The following NOL4 variants were observed in gnomAD, a reference collection of about 807,000 sequenced individuals.
NOL4 encodes nucleolar protein 4.
NOL4 carries 17 observed loss-of-function variants against 75.9 expected under a neutral mutation model. The observed-to-expected ratio is 0.22, with a 90% CI of 0.15 to 0.34. NOL4 has a LOEUF of 0.34. Ranked by LOEUF, NOL4 falls within the 10% of genes least tolerant of loss-of-function variation. NOL4 has a pLI of 1.00. For synonymous variants in NOL4, 292 were observed against 289.9 expected (o/e 1.01, Z -0.07); for missense variants, 614 against 793.5 (o/e 0.77, Z 2.72).
chr18:34,026,851 T>A (rs2075368142), intron 5 of NOL4, among the ~76,000 whole-genome samples: 1 of 152,212 alleles, frequency 6.6e-6, no homozygotes, highest in Non-Finnish European at 1.5e-5. Context: ...TCAATAAAAG[T>A]TTTGTTGACA....
At chr18:33,964,553 T>C (rs974064095) in intron 6 of NOL4, among the ~76,000 whole-genome samples, 1 of 149,090 alleles carries the variant, frequency 6.7e-6, no homozygotes, top group African/African-American at 2.5e-5. Flanking sequence ...AGAGAAAGAG[T>C]GAGAAGTTGA....
chr18:34,181,569 T>G (rs973050162), intron 1 of NOL4, among the ~76,000 whole-genome samples: 8 of 151,390 alleles, frequency 5.3e-5, no homozygotes, highest in South Asian at 2.1e-4. Context: ...AATAGAGAAG[T>G]TAGACTTCAT....
chr18:34,048,367 T>C (rs964485435), intron 5 of NOL4: 14 of 779,712 alleles, frequency 1.8e-5, no homozygotes, highest in Non-Finnish European at 2.2e-5. Context: ...TACTGCTTCA[T>C]GGGACAGTCT....
chr18:34,078,566 G>A (rs2072724963), intron 5 of NOL4, among the ~76,000 whole-genome samples: 2 of 152,062 alleles, frequency 1.3e-5, no homozygotes, highest in African/African-American at 4.8e-5. Flanking sequence ...ATTTCAAAAG[G>A]GGAAGTGTAG....
chr18:34,021,665 A>G (rs2075045315), intron 5 of NOL4, among the ~76,000 whole-genome samples: 1 of 152,116 alleles, frequency 6.6e-6, no homozygotes, highest in Non-Finnish European at 1.5e-5. Context: ...GAGATTTAGA[A>G]GTCATCTAAT....
At chr18:34,012,117 G>A (rs772891194) in intron 6 of NOL4, among the ~76,000 whole-genome samples, 2 of 151,852 alleles carry the variant, frequency 1.3e-5, no homozygotes, top group Non-Finnish European at 2.9e-5. Context: ...ATAACATATA[G>A]AGAATATGAG....
chr18:33,929,742 A>T (rs1599902948), intron 9 of NOL4, among the ~76,000 whole-genome samples: 1 of 152,266 alleles, frequency 6.6e-6, no homozygotes, highest in Middle Eastern at 3.4e-3. Flanking sequence ...CTTAATATAT[A>T]TTTGCTAAAT....
At chr18:34,079,750 T>G (rs2077916209) in intron 5 of NOL4, among the ~76,000 whole-genome samples, 1 of 152,194 alleles carries the variant, frequency 6.6e-6, no homozygotes, top group South Asian at 2.1e-4. Flanking sequence ...TCTTGTCTCT[T>G]CTATAATTTA....
At chr18:33,934,861 C>A (rs987338712) in intron 9 of NOL4, among the ~76,000 whole-genome samples, 1 of 141,478 alleles carries the variant, frequency 7.1e-6, no homozygotes, top group Non-Finnish European at 1.5e-5. Flanking sequence ...TGGAGTAGCA[C>A]GTTTTTTTTT....
rs1351725008 is a variant in NOL4, at chr18:34,118,239, T to G, written c.414+11632A>C. On this transcript the variant is annotated intron_variant, in intron 2 of 10. Coordinates refer to ENST00000261592, the MANE Select transcript of NOL4 (RefSeq NM_003787.5). The stretch of plus-strand genomic sequence containing the variant: ...AGTTTTTGGCAAATATCAAACTGTA[T>G]GTACCTAAAAGAATTTGCCCTTAAG... Among the ~76,000 whole-genome samples the G allele has an allele frequency of 2.6e-5, 4 of 152,330 alleles. No homozygotes were observed. The East Asian group carries it at 7.7e-4, about 29-fold the overall frequency.
At chr18:34,020,638 T>A (rs898686996) in intron 5 of NOL4, among the ~76,000 whole-genome samples, 3 of 152,184 alleles carry the variant, frequency 2.0e-5, no homozygotes, top group Non-Finnish European at 4.4e-5. Context: ...ATGTTGAAAT[T>A]GTTAGATTAT....
intron 1 of NOL4, among the ~76,000 whole-genome samples, chr18:34,148,014 T>C (rs1254786635): frequency 6.6e-6 from 1 of 152,160 alleles, no homozygotes; most frequent in Admixed American, 6.6e-5. Flanking sequence ...GAGGTGTTTA[T>C]AGTATTCTCC....
chr18:33,894,917 G>C (rs1237855512), intron 9 of NOL4, among the ~76,000 whole-genome samples: 2 of 152,010 alleles, frequency 1.3e-5, no homozygotes, highest in Admixed American at 1.3e-4. Context: ...TTGCACAGCA[G>C]GATGACTGTA....
intron 8 of NOL4, among the ~76,000 whole-genome samples, chr18:33,951,608 T>A (rs966530607): frequency 6.6e-6 from 1 of 152,164 alleles, no homozygotes; most frequent in African/African-American, 2.4e-5. Flanking sequence ...TCTATCTTTA[T>A]CATTCTCTTA....
At chr18:34,008,069 T>C (rs1488701791) in intron 6 of NOL4, among the ~76,000 whole-genome samples, 2 of 151,998 alleles carry the variant, frequency 1.3e-5, no homozygotes, top group African/African-American at 2.4e-5. Flanking sequence ...GTGGGCATCA[T>C]CCAATCTGTT....
At chr18:33,881,037 C>A (rs1369925153) in intron 10 of NOL4, among the ~76,000 whole-genome samples, 1 of 151,602 alleles carries the variant, frequency 6.6e-6, no homozygotes, top group Non-Finnish European at 1.5e-5. Flanking sequence ...CTCCCCTCAC[C>A]AAAAGAAAAC....
chr18:34,070,802 TAAAG>T (rs1460753230), intron 5 of NOL4, among the ~76,000 whole-genome samples: 1 of 152,186 alleles, frequency 6.6e-6, no homozygotes, highest in East Asian at 1.9e-4. Context: ...TAGGTATATA[TAAAG>T]ATTCTTTATG....
At chr18:34,054,054 C>G (rs910075635) in intron 5 of NOL4, among the ~76,000 whole-genome samples, 1 of 151,892 alleles carries the variant, frequency 6.6e-6, no homozygotes, top group African/African-American at 2.4e-5. Context: ...AGCAAATTCT[C>G]ACATAATTAT....
At chr18:34,134,979 C>T (rs2080832001) in intron 1 of NOL4, among the ~76,000 whole-genome samples, 2 of 152,084 alleles carry the variant, frequency 1.3e-5, no homozygotes. Flanking sequence ...AATTTCAAAT[C>T]AGACTTATCT....
Sources: gnomAD v4.1 joint callset for allele counts (sites outside exome capture counted in the v4.1 genomes callset) on GRCh38, gnomAD v4.1.1 for gene constraint, MANE v1.5 for transcripts, NCBI Gene and HGNC (gene_info 2026-07-23, HGNC 2026-07-21) for gene names.